ZBTB37: variants seen among roughly 807,000 people sequenced by gnomAD.
ZBTB37 encodes zinc finger and BTB domain containing 37.
Under a neutral mutation model 37.7 loss-of-function variants are expected in ZBTB37, and 15 were observed. The observed-to-expected ratio is 0.40, with a 90% CI of 0.27 to 0.61. The LOEUF (loss-of-function observed/expected upper bound fraction) is 0.61, where lower values mean the gene tolerates loss of function less well. ZBTB37 is among the 20% of genes least tolerant of loss of function. The probability of loss-of-function intolerance (pLI) is 0.44; values close to 1 mark genes in which losing one functional copy is unlikely to be tolerated. For synonymous variants in ZBTB37, 231 were observed against 220.6 expected, an observed-to-expected ratio of 1.05 and a Z score of -0.42; for missense variants, 514 against 641.9, an observed-to-expected ratio of 0.80 and a Z score of 2.15.
chr1:173,893,777 T>G (rs1371716063), exon 4 of ZBTB37: 1 of 152,218 alleles, frequency 6.6e-6, no homozygotes, highest in African/African-American at 2.4e-5. Context: ...GATAACATCC[T>G]CATTTTAGAT....
intron 4 of ZBTB37, among the ~76,000 whole-genome samples, chr1:173,881,046 C>T (rs552708553): frequency 2.0e-5 from 3 of 151,520 alleles, no homozygotes; most frequent in Non-Finnish European, 4.4e-5. Flanking sequence ...TGTTGGTGTG[C>T]TGCACCCGTT....
At chr1:173,880,594 T>A (rs1022298626) in intron 4 of ZBTB37, among the ~76,000 whole-genome samples, 7 of 152,244 alleles carry the variant, frequency 4.6e-5, no homozygotes, top group Admixed American at 2.6e-4. Context: ...TCCCTGTGCT[T>A]ACAACAGAGT....
In ZBTB37 at chr1:173,877,628, G is replaced by A. The variant is rs116784499; in HGVS notation, c.1023+4062G>A. 4.3e-3 allele frequency among the ~76,000 whole-genome samples: 653 copies of A among 152,088 alleles called. 5 individuals carry two copies. The highest frequency in any genetic ancestry group is 6.8e-3 in the Non-Finnish European group (461 of 67,966). On this transcript the variant is annotated intron_variant, in intron 4 of 4. Transcript: ENST00000427304. ...ATTCCTGAGCTCAGTAGTGGCTCACGCCTGTAATCCCATCACTTGGAAGAC... is the reference window on the plus strand; with the variant it reads ...ATTCCTGAGCTCAGTAGTGGCTCACACCTGTAATCCCATCACTTGGAAGAC...
At chr1:173,883,182 A>G (rs1419437509) in intron 4 of ZBTB37, among the ~76,000 whole-genome samples, 1 of 152,238 alleles carries the variant, frequency 6.6e-6, no homozygotes, top group African/African-American at 2.4e-5. Context: ...TGTATTTAGA[A>G]AAAAGAGTAC....
exon 4 of ZBTB37, chr1:173,895,239 G>A (rs1422781701): frequency 6.6e-6 from 1 of 152,140 alleles, no homozygotes; most frequent in African/African-American, 2.4e-5. Context: ...AAGTAGCTGG[G>A]ACTCCAGACG....
At chr1:173,903,030 G>T (rs2102771597) in exon 4 of ZBTB37, 1 of 152,318 alleles carries the variant, frequency 6.6e-6, no homozygotes, top group Admixed American at 6.5e-5. Flanking sequence ...TTTGTGGGAG[G>T]CTGAGATTTT....
rs1049652432 is a variant in ZBTB37 at position 173,883,799 on chromosome 1, C to T, written c.1024-1837C>T. Among the ~76,000 whole-genome samples the T allele has an allele frequency of 2.0e-5, 3 of 152,178 alleles. No homozygotes were observed. In the South Asian group the frequency reaches 6.2e-4, roughly 32 times the overall value. ...TTGAGAACTGCCTCTATTGGAAAGG[C>T]TGAATAGCACCATCAGCATAGGAAG... On this transcript the variant is annotated intron_variant, in intron 4 of 4. Coordinates refer to ENST00000427304, the Ensembl canonical transcript of ZBTB37.
chr1:173,871,207 G>T, intron 3 of ZBTB37, 59 bp downstream of exon 3: 1 of 1,460,210 alleles, frequency 6.8e-7, no homozygotes, highest in Non-Finnish European at 9.2e-7. Context: ...CATCACTAAA[G>T]TGTCCTCTGT....
chr1:173,902,383 G>A (rs1425473716), exon 4 of ZBTB37: 1 of 152,188 alleles, frequency 6.6e-6, no homozygotes, highest in African/African-American at 2.4e-5. Flanking sequence ...AAAGGGAATG[G>A]AATAGAGTAT....
exon 5 of ZBTB37, chr1:173,886,346 C>T (rs144527009): frequency 1.5e-6 from 1 of 661,500 alleles, no homozygotes; most frequent in Non-Finnish European, 2.4e-6. Flanking sequence ...TCAAGCAAAT[C>T]AACTTTCTAA....
intron 2 of ZBTB37, among the ~76,000 whole-genome samples, chr1:173,869,944 G>A (rs1473826143): frequency 6.6e-6 from 1 of 152,112 alleles, no homozygotes; most frequent in East Asian, 1.9e-4. Flanking sequence ...TTATTAGTAA[G>A]GAAAGCATGG....
chr1:173,897,201 A>C (rs1045020145), exon 4 of ZBTB37: 1 of 152,198 alleles, frequency 6.6e-6, no homozygotes, highest in Non-Finnish European at 1.5e-5. Flanking sequence ...TTAGTCATCT[A>C]CTGTGACCTT....
chr1:173,900,584 A>G (rs1366026487), exon 4 of ZBTB37: 1 of 152,260 alleles, frequency 6.6e-6, no homozygotes, highest in Non-Finnish European at 1.5e-5. Flanking sequence ...TACCACGGAA[A>G]GTTTCATTTA....
chr1:173,868,260 G>C (rs1437037970), upstream of ZBTB37: 1 of 153,092 alleles, frequency 6.5e-6, no homozygotes, highest in Non-Finnish European at 1.5e-5. Context: ...CGCGAGGCAA[G>C]GAAAGCTCTG....
chr1:173,889,521 A>G (rs1656759715), downstream of ZBTB37: 1 of 152,260 alleles, frequency 6.6e-6, no homozygotes, highest in Admixed American at 6.5e-5. Context: ...GGAGCTATCC[A>G]GTATTCTCAG....
chr1:173,901,924 G>A (rs1657276088), exon 4 of ZBTB37: 1 of 152,120 alleles, frequency 6.6e-6, no homozygotes, highest in Non-Finnish European at 1.5e-5. Flanking sequence ...CTTATATGAT[G>A]GGTGACAGCT....
intron 4 of ZBTB37, among the ~76,000 whole-genome samples, chr1:173,877,645 T>G (rs895625663): frequency 6.6e-6 from 1 of 152,098 alleles, no homozygotes; most frequent in East Asian, 1.9e-4. Context: ...ATCCCATCAC[T>G]TGGAAGACCA....
At chr1:173,883,547 C>T (rs772060415) in intron 4 of ZBTB37, among the ~76,000 whole-genome samples, 14 of 152,170 alleles carry the variant, frequency 9.2e-5, no homozygotes, top group Non-Finnish European at 1.5e-4. Context: ...CATGTGATAA[C>T]CTTTGTACCT....
chr1:173,889,128 T>G (rs1286864664), downstream of ZBTB37: 2 of 152,234 alleles, frequency 1.3e-5, no homozygotes, highest in African/African-American at 4.8e-5. Context: ...TTAAACAAAT[T>G]AAAACTTCTG....
Sources: allele counts gnomAD v4.1 joint callset (sites outside exome capture counted in the v4.1 genomes callset), GRCh38; gene constraint gnomAD v4.1.1; transcripts MANE v1.5; gene names NCBI Gene and HGNC (gene_info 2026-07-23, HGNC 2026-07-21).